ALK: variants seen among roughly 807,000 people sequenced by gnomAD.
ALK encodes the protein ALK tyrosine kinase receptor.
ALK carries 74 observed loss-of-function variants against 163.1 expected under a neutral mutation model. The observed-to-expected ratio is 0.45, with a 90% CI of 0.38 to 0.55. The LOEUF is 0.55. Among genes scored for constraint, ALK ranks in the 20% least tolerant of loss-of-function variants. ALK has a pLI of 0.00. For synonymous variants in ALK, 960 were observed against 843.2 expected (o/e 1.14, Z -2.40); for missense variants, 2,063 against 2,105.3 (o/e 0.98, Z 0.39).
chr2:29,819,490 GTTA>G (rs1664986684), intron 1 of ALK, among the ~76,000 whole-genome samples: 1 of 152,250 alleles, frequency 6.6e-6, no homozygotes, highest in African/African-American at 2.4e-5. Context: ...TTCTCTGAGT[GTTA>G]TTATTACCAT....
At position 29,320,377 on chromosome 2, in the gene ALK, C is replaced by T. The variant is rs149178665; in HGVS notation, c.1546+374G>A. The stretch of plus-strand genomic sequence containing the variant: ...GCAAATGACACAAGGACTTGCTGTG[C>T]CTCAGTCTCCCCAGTCATAAAGAGG... On this transcript the variant is annotated intron_variant, in intron 7 of 28. Transcript: ENST00000389048. 6.5e-3 allele frequency among the ~76,000 whole-genome samples: 987 copies of T among 152,274 alleles called. 11 individuals carry two copies. Among genetic ancestry groups the T allele is most frequent in the African/African-American group, 0.022 (923 of 41,560 alleles).
chr2:29,310,263 T>C (rs113741059), intron 8 of ALK, among the ~76,000 whole-genome samples: 11 of 152,294 alleles, frequency 7.2e-5, no homozygotes, highest in African/African-American at 2.4e-4. Flanking sequence ...ACTTAAACTC[T>C]TTAAGCTCCA....
chr2:29,589,411 A>G (rs1002521590), intron 3 of ALK, among the ~76,000 whole-genome samples: 4 of 152,184 alleles, frequency 2.6e-5, no homozygotes, highest in Non-Finnish European at 5.9e-5. Context: ...AAATCTTCAC[A>G]ACAACCCTGC....
At chr2:29,667,529 C>T (rs1229817314) in intron 3 of ALK, among the ~76,000 whole-genome samples, 1 of 151,724 alleles carries the variant, frequency 6.6e-6, no homozygotes, top group Non-Finnish European at 1.5e-5. Context: ...CATAAAGAGA[C>T]ATTAAATTTT....
intron 5 of ALK, among the ~76,000 whole-genome samples, chr2:29,358,038 C>A (rs1573277142): frequency 6.6e-6 from 1 of 152,140 alleles, no homozygotes; most frequent in Admixed American, 6.6e-5. Flanking sequence ...AAGACTTGAC[C>A]AAGTTTTCAC....
intron 11 of ALK, among the ~76,000 whole-genome samples, chr2:29,261,499 T>C (rs1308503888): frequency 6.6e-6 from 1 of 152,216 alleles, no homozygotes; most frequent in Non-Finnish European, 1.5e-5. Context: ...TGAGCCCCTG[T>C]ATGCCATTTA....
chr2:29,209,924 T>G, intron 24 of ALK, 46 bp from the exon 25 acceptor site: 1 of 1,496,846 alleles, frequency 6.7e-7, no homozygotes, highest in Non-Finnish European at 9.3e-7. Context: ...CCTAGGAAGA[T>G]GAGTGTACAA....
At chr2:29,343,547 T>G (rs528381101) in intron 5 of ALK, among the ~76,000 whole-genome samples, 1 of 152,298 alleles carries the variant, frequency 6.6e-6, no homozygotes, top group African/African-American at 2.4e-5. Flanking sequence ...CATTAGCCTC[T>G]CAGCCTCAGT....
intron 1 of ALK, among the ~76,000 whole-genome samples, chr2:29,718,421 AC>A (rs1013942376): frequency 6.6e-6 from 1 of 152,242 alleles, no homozygotes; most frequent in Non-Finnish European, 1.5e-5. Context: ...CTGATCTAAC[AC>A]AGTGCTTCCC....
intron 9 of ALK, among the ~76,000 whole-genome samples, chr2:29,279,311 C>T (rs1053572231): frequency 6.6e-6 from 1 of 152,206 alleles, no homozygotes; most frequent in Admixed American, 6.5e-5. Flanking sequence ...CAATATGGAA[C>T]CAGGCAGTGC....
At chr2:29,395,989 C>T (rs992515766) in intron 4 of ALK, among the ~76,000 whole-genome samples, 9 of 150,782 alleles carry the variant, frequency 6.0e-5, no homozygotes, top group Non-Finnish European at 1.2e-4. Context: ...TGACTAAATA[C>T]GTTTGTTTTG....
chr2:29,390,275 G>A (rs1669132058), intron 4 of ALK, among the ~76,000 whole-genome samples: 1 of 152,112 alleles, frequency 6.6e-6, no homozygotes, highest in Non-Finnish European at 1.5e-5. Flanking sequence ...CAAGTCATTC[G>A]GATGGTGACT....
chr2:29,374,196 T>C (rs1424487252), intron 5 of ALK, among the ~76,000 whole-genome samples: 1 of 152,222 alleles, frequency 6.6e-6, no homozygotes, highest in Admixed American at 6.5e-5. Context: ...GAATACGTAT[T>C]GTGCCAAGCA....
chr2:29,477,999 G>T (rs906255009), intron 4 of ALK, among the ~76,000 whole-genome samples: 1 of 152,228 alleles, frequency 6.6e-6, no homozygotes, highest in Admixed American at 6.5e-5. Context: ...CTGAGTCTGA[G>T]TTCAGTATTG....
intron 3 of ALK, among the ~76,000 whole-genome samples, chr2:29,658,236 T>G (rs1558429103): frequency 6.6e-6 from 1 of 152,182 alleles, no homozygotes; most frequent in African/African-American, 2.4e-5. Flanking sequence ...TATGGTACAA[T>G]GAGCACTATG....
intron 3 of ALK, among the ~76,000 whole-genome samples, chr2:29,623,173 T>C (rs757363884): frequency 2.8e-4 from 43 of 152,160 alleles, no homozygotes; most frequent in Admixed American, 8.5e-4. Context: ...ATGGGCAATG[T>C]TATCAACTTT....
chr2:29,531,569 T>C (rs1463746671), intron 4 of ALK, among the ~76,000 whole-genome samples: 1 of 152,220 alleles, frequency 6.6e-6, no homozygotes, highest in Non-Finnish European at 1.5e-5. Flanking sequence ...TTCTACCATA[T>C]TAAATTACTT....
chr2:29,688,999 A>G (rs1678316293), intron 3 of ALK, among the ~76,000 whole-genome samples: 1 of 152,208 alleles, frequency 6.6e-6, no homozygotes, highest in Non-Finnish European at 1.5e-5. Flanking sequence ...GAGAAAGATC[A>G]GTGATTCTCC....
At chr2:29,808,269 T>C (rs999618470) in intron 1 of ALK, among the ~76,000 whole-genome samples, 1 of 152,242 alleles carries the variant, frequency 6.6e-6, no homozygotes, top group South Asian at 2.1e-4. Flanking sequence ...GTGCAGGAAA[T>C]GACTTGCCCA....
Sources: allele counts gnomAD v4.1 joint callset (sites outside exome capture counted in the v4.1 genomes callset), GRCh38; gene constraint gnomAD v4.1.1; transcripts MANE v1.5; gene names NCBI Gene and HGNC (gene_info 2026-07-23, HGNC 2026-07-21).